Variants in IFIT1B observed in about 807,000 individuals in gnomAD.
IFIT1B encodes the protein protein IFIT1 homolog B.
A neutral mutation model predicts 2.5 loss-of-function variants in IFIT1B; 3 were observed. The observed-to-expected ratio is 1.21, with a 90% CI of 0.55 to 3.14. The LOEUF is 3.14. IFIT1B is among the 30% of genes most tolerant of loss of function. IFIT1B has a pLI of 0.03. For missense variants in IFIT1B, 545 were observed against 556.5 expected (o/e 0.98, Z 0.21); for synonymous variants, 196 against 203.0 (o/e 0.97, Z 0.29).
At chr10:89,381,935 A>G (rs753614504) in intron 1 of IFIT1B, among the ~76,000 whole-genome samples, 14 of 151,644 alleles carry the variant, frequency 9.2e-5, no homozygotes, top group Non-Finnish European at 1.6e-4. Flanking sequence ...ACGCTGGCTA[A>G]TTTTTTGTAT....
At chr10:89,380,521 C>T (rs963983617) in intron 1 of IFIT1B, among the ~76,000 whole-genome samples, 1 of 151,912 alleles carries the variant, frequency 6.6e-6, no homozygotes, top group African/African-American at 2.4e-5. Context: ...CTGCAGCCTC[C>T]ACCTGCCCGG....
In IFIT1B at chr10:89,384,641, T is replaced by C; in HGVS notation, c.1328T>C (p.Leu443Pro). 1 of 1,614,230 alleles carries C rather than the reference T, an allele frequency of 6.2e-7. No individual in the cohort carries two copies. The highest frequency in any genetic ancestry group is 8.5e-7 in the Non-Finnish European group (1 of 1,180,028). Reference protein sequence around the residue: ...NVRVVESVSLLGLIHKLKGEV... With the variant: ...NVRVVESVSLPGLIHKLKGEV... ...CGGGTTGTGGAAAGTGTCAGCCTCC[T>C]TGGGCTTATCCACAAATTGAAAGGA... The change falls in exon 2 of 2, where the codon CTT becomes CCT. Residue 443 changes from leucine (L) to proline (P), a missense_variant. Transcript: ENST00000371809.
At chr10:89,379,586 G>A (rs1174612037) in intron 1 of IFIT1B, among the ~76,000 whole-genome samples, 1 of 152,152 alleles carries the variant, frequency 6.6e-6, no homozygotes, top group East Asian at 1.9e-4. Context: ...GGGAGAGGAA[G>A]AACTTTACAG....
chr10:89,378,484 G>A (rs1381943753), intron 1 of IFIT1B, among the ~76,000 whole-genome samples: 1 of 152,136 alleles, frequency 6.6e-6, no homozygotes, highest in East Asian at 1.9e-4. Flanking sequence ...AGCTATAGCT[G>A]TAGGGGAGGG....
chr10:89,378,767 T>C (rs1844140456), intron 1 of IFIT1B, among the ~76,000 whole-genome samples: 1 of 152,210 alleles, frequency 6.6e-6, no homozygotes, highest in Non-Finnish European at 1.5e-5. Flanking sequence ...GAGGCAAGTT[T>C]CCTAACTCCT....
Position 89,383,959 on chromosome 10 carries a change from G to T in IFIT1B, c.646G>T (p.Asp216Tyr). The change falls in exon 2 of 2, where the codon GAT (aspartate) becomes TAT (tyrosine). Residue 216 changes from aspartate to tyrosine, a missense_variant. By Grantham distance (160) the Asp-to-Tyr change is radical (BLOSUM62 -3). Transcript: ENST00000371809. ...LKRAVRLNPD[D>Y]VYIRVLLALK... Reference sequence around the variant, plus strand: ...ACGAGCTGTCAGGCTAAATCCAGATGATGTATATATTAGGGTTCTCCTTGC... The same window carrying T: ...ACGAGCTGTCAGGCTAAATCCAGATTATGTATATATTAGGGTTCTCCTTGC... 4 of 1,614,200 alleles carry T rather than the reference G, an allele frequency of 2.5e-6. No homozygotes were observed. Among genetic ancestry groups the T allele is most frequent in the Non-Finnish European group, 3.4e-6 (4 of 1,180,046 alleles).
In IFIT1B at chr10:89,384,083, C is replaced by A. The variant is rs199716259; in HGVS notation, c.770C>A (p.Ala257Glu). The change falls in exon 2 of 2, where the codon GCA becomes GAA. Residue 257 changes from alanine to glutamate, a missense_variant. By Grantham distance (107) the Ala-to-Glu change is moderately radical (BLOSUM62 -1). Coordinates refer to ENST00000371809, the MANE Select transcript of IFIT1B (RefSeq NM_001010987.2). ...ISSQAYVFQY[A>E]AKFYRRKGSV... Reference sequence around the variant, plus strand: ...TCACAGGCCTATGTCTTTCAATATGCAGCCAAGTTTTATCGAAGAAAAGGG... The same window carrying A: ...TCACAGGCCTATGTCTTTCAATATGAAGCCAAGTTTTATCGAAGAAAAGGG... 1.9e-6 allele frequency: 3 copies of A among 1,614,188 alleles called. No homozygotes were observed. Among genetic ancestry groups the A allele is most frequent in the Non-Finnish European group, 2.5e-6 (3 of 1,180,034 alleles).
intron 1 of IFIT1B, among the ~76,000 whole-genome samples, chr10:89,380,083 T>C (rs1844151918): frequency 6.6e-6 from 1 of 151,156 alleles, no homozygotes; most frequent in African/African-American, 2.4e-5. Context: ...ATCTGTGGAG[T>C]TGACAGAAAG....
intron 1 of IFIT1B, 141 bp from the exon 2 acceptor site, chr10:89,383,178 A>G (rs1290947610): frequency 5.6e-6 from 4 of 708,756 alleles, no homozygotes; most frequent in African/African-American, 1.8e-5. Context: ...TAATGACATG[A>G]CTGTAGAACC....
At chr10:89,382,294 A>T (rs1361520168) in intron 1 of IFIT1B, among the ~76,000 whole-genome samples, 1 of 152,206 alleles carries the variant, frequency 6.6e-6, no homozygotes, top group Non-Finnish European at 1.5e-5. Context: ...TGTCAAGTAT[A>T]GACTGTAAAG....
At chr10:89,378,175 T>C in intron 1 of IFIT1B, 35 bp downstream of exon 1, 1 of 1,612,000 alleles carries the variant, frequency 6.2e-7, no homozygotes, top group South Asian at 1.1e-5. Context: ...ACCTTATTTC[T>C]GCACACTTTG....
chr10:89,383,647 G>A lies in IFIT1B; in HGVS notation c.334G>A (p.Ala112Thr), dbSNP rs771089871. ...AWVYYHMGRLAEAQTYLDKVE... is the reference protein window; with the variant it reads ...AWVYYHMGRLTEAQTYLDKVE... ...GGTGTATTACCACATGGGCAGATTG[G>A]CAGAAGCCCAGACTTACCTGGACAA... The change falls in exon 2 of 2, where the codon GCA becomes ACA. Residue 112 changes from alanine to threonine, a missense_variant. Transcript: ENST00000371809. The A allele has an allele frequency of 3.0e-5, 48 of 1,614,108 alleles. No individual in the cohort carries two copies. The highest frequency in any genetic ancestry group is 3.3e-4 in the Middle Eastern group (2 of 6,084).
In IFIT1B at chr10:89,383,338, C is replaced by A. The variant is rs777595584; in HGVS notation, c.25C>A (p.Leu9Ile). Residue 9 changes from leucine (L) to isoleucine (I), a missense_variant, in exon 2 of 2, where the codon CTT becomes ATT. Leu to Ile is a conservative substitution (Grantham distance 5). Coordinates refer to ENST00000371809, the MANE Select transcript of IFIT1B (RefSeq NM_001010987.2). MSEESDGK[L>I]IEDSLIQLRC... ...TTACAGTGAAGAATCTGATGGAAAGCTTATTGAAGACAGCCTGATTCAGCT... is the reference window on the plus strand; with the variant it reads ...TTACAGTGAAGAATCTGATGGAAAGATTATTGAAGACAGCCTGATTCAGCT... The A allele has an allele frequency of 1.1e-5, 17 of 1,613,046 alleles. No homozygotes were observed. In the South Asian group the frequency reaches 1.8e-4, roughly 17 times the overall value.
In IFIT1B at chr10:89,384,358, A is replaced by G. The variant is rs1450731843; in HGVS notation, c.1045A>G (p.Thr349Ala). The change falls in exon 2 of 2, where the codon ACG becomes GCG. Residue 349 changes from threonine (T) to alanine (A), a missense_variant. Thr to Ala is a moderately conservative substitution (Grantham distance 58). Coordinates refer to ENST00000371809, the MANE Select transcript of IFIT1B (RefSeq NM_001010987.2). The part of the protein sequence containing the change: ...FEMAYVDLAE[T>A]YAEIGHHRKA... Reference sequence around the variant, plus strand: ...GATGGCCTATGTTGACCTGGCTGAAACGTATGCAGAAATAGGCCACCACAG... The same window carrying G: ...GATGGCCTATGTTGACCTGGCTGAAGCGTATGCAGAAATAGGCCACCACAG... 6.2e-7 allele frequency: 1 copy of G among 1,614,198 alleles called. No homozygotes were observed. The highest frequency in any genetic ancestry group is 2.2e-5 in the East Asian group (1 of 44,890).
rs759598005 is a variant in IFIT1B, at chr10:89,383,699, C to T, written c.386C>T (p.Ala129Val). Residue 129 changes from alanine to valine, a missense_variant, in exon 2 of 2, where the codon GCA becomes GTA. Transcript: ENST00000371809. The stretch of plus-strand genomic sequence containing the variant: ...GTGGAGAACACTTGCAAGAAGTTTG[C>T]AAATCCTTCCCGCTATAGAATGGAG... ...DKVENTCKKFANPSRYRMECP... is the reference protein window; with the variant it reads ...DKVENTCKKFVNPSRYRMECP... 6.2e-7 allele frequency: 1 copy of T among 1,614,226 alleles called. No individual in the cohort carries two copies. Among genetic ancestry groups the T allele is most frequent in the Non-Finnish European group, 8.5e-7 (1 of 1,180,046 alleles).
At chr10:89,380,418 T>C (rs1409715550) in intron 1 of IFIT1B, among the ~76,000 whole-genome samples, 1 of 151,042 alleles carries the variant, frequency 6.6e-6, no homozygotes, top group Non-Finnish European at 1.5e-5. Flanking sequence ...GGTCACTACA[T>C]ACATGCACAA....
rs766026101 is a variant in IFIT1B, at chr10:89,384,767, G to T, written c.*29G>T. 3.4e-6 allele frequency: 5 copies of T among 1,478,592 alleles called. No homozygotes were observed. The Admixed American group carries it at 1.1e-4, about 32-fold the overall frequency. The allele number at this position is 1,478,592 out of a possible 1,614,324, so 91.6% of individuals were successfully genotyped here. A position where few individuals can be genotyped will look rare whatever the true frequency, so the allele number is the denominator to read the frequency against. ...AGAGGTCACCATTATCCATTTAATG[G>T]TCTTATAACTAAATAGAATGACTAT... On this transcript the variant is annotated 3_prime_UTR_variant, in exon 2 of 2. Coordinates refer to ENST00000371809, the MANE Select transcript of IFIT1B (RefSeq NM_001010987.2).
chr10:89,384,844 C>G lies in IFIT1B; in HGVS notation c.*106C>G. 1 of 1,028,060 alleles carries G rather than the reference C, an allele frequency of 9.7e-7. No individual in the cohort carries two copies. Among genetic ancestry groups the G allele is most frequent in the Non-Finnish European group, 1.4e-6 (1 of 704,682 alleles). 63.7% of individuals were successfully genotyped at this position (1,028,060 alleles called of 1,614,324 possible). A position where few individuals can be genotyped will look rare whatever the true frequency, so the allele number is the denominator to read the frequency against. The stretch of plus-strand genomic sequence containing the variant: ...TGTTGGAAATTTACCTTATTTTGAG[C>G]CTTGAGAGGAATGTGGCTGTGTGGC... On this transcript the variant is annotated 3_prime_UTR_variant, in exon 2 of 2. Transcript: ENST00000371809.
In IFIT1B at chr10:89,384,199, A is replaced by G; in HGVS notation, c.886A>G (p.Arg296Gly). 6.2e-7 allele frequency: 1 copy of G among 1,614,188 alleles called. No individual in the cohort carries two copies. Among genetic ancestry groups the G allele is most frequent in the Non-Finnish European group, 8.5e-7 (1 of 1,180,020 alleles). The change falls in exon 2 of 2, where the codon AGG (arginine) becomes GGG (glycine). Residue 296 changes from arginine (R) to glycine (G), a missense_variant. Arg to Gly is a moderately radical substitution (Grantham distance 125). Transcript: ENST00000371809. ...FLHHQMGLCY[R>G]AQMIQIKEAT... ...GCATCACCAAATGGGGCTTTGCTAC[A>G]GGGCACAAATGATCCAAATCAAGGA...
Sources: allele counts gnomAD v4.1 joint callset (sites outside exome capture counted in the v4.1 genomes callset), GRCh38; gene constraint gnomAD v4.1.1; transcripts MANE v1.5; gene names NCBI Gene and HGNC (gene_info 2026-07-23, HGNC 2026-07-21).